Variants in WDR49 observed in about 807,000 individuals in gnomAD.
WDR49 encodes cilia- and flagella-associated protein 337.
WDR49 carries 107 observed loss-of-function variants against 119.5 expected under a neutral mutation model. The ratio of observed to expected loss-of-function variants is 0.90; its 90% CI spans 0.77 to 1.05. The LOEUF (loss-of-function observed/expected upper bound fraction) is 1.05, where lower values mean the gene tolerates loss of function less well. WDR49 is among the 50% of genes least tolerant of loss of function. The pLI, the probability that WDR49 is intolerant of heterozygous loss-of-function variation, is 0.00. For synonymous variants in WDR49, 425 were observed against 418.8 expected (o/e 1.01, Z -0.18); for missense variants, 1,240 against 1,220.5 (o/e 1.02, Z -0.24).
At chr3:167,552,958 G>A (rs1024621155) in intron 10 of WDR49, among the ~76,000 whole-genome samples, 3 of 152,030 alleles carry the variant, frequency 2.0e-5, no homozygotes, top group Non-Finnish European at 2.9e-5. Context: ...TTAGTAAGAC[G>A]ACTGTCAATC....
chr3:167,596,771 G>A (rs1298261202), intron 7 of WDR49, among the ~76,000 whole-genome samples: 1 of 150,754 alleles, frequency 6.6e-6, no homozygotes, highest in Non-Finnish European at 1.5e-5. Context: ...CCTAATGCTA[G>A]ATGATGAGCT....
In WDR49 at chr3:167,602,289, G is replaced by A. The variant is rs1270761334; in HGVS notation, c.1127-14C>T. ...TGCCAGCAGTTGCTAATCAGAATTA[G>A]AAAGAAAAAAAATGTTTTTAATAGC... is the stretch of plus-strand genomic sequence containing the variant. On this transcript the variant is annotated splice_polypyrimidine_tract_variant and intron_variant, in intron 6 of 18. Transcript: ENST00000682715. The A allele has an allele frequency of 3.9e-6, 6 of 1,546,228 alleles. No homozygotes were observed. In the Admixed American group the frequency reaches 5.6e-5, roughly 14 times the overall value.
chr3:167,654,843 G>A (rs899655091), upstream of WDR49, among the ~76,000 whole-genome samples: 5 of 151,572 alleles, frequency 3.3e-5, no homozygotes, highest in Admixed American at 6.6e-5. Context: ...AGGTTGCAGT[G>A]AGCCAAGATT....
rs1198625968 is a variant in WDR49, at chr3:167,604,368, A to C, written c.1059T>G (p.Asn353Lys). The change falls in exon 6 of 19, where the codon AAT (asparagine) becomes AAG (lysine). Residue 353 changes from asparagine (N) to lysine (K), a missense_variant. Transcript: ENST00000682715. ...AWREKSKKRL[N>K]MTSFNIAQGI... ...CCTGGGCAATGTTGAAGGATGTCAT[A>C]TTAAGACGCTTTTTTGATTTCTCTC... is the stretch of plus-strand genomic sequence containing the variant. 1.2e-6 allele frequency: 2 copies of C among 1,613,894 alleles called. No homozygotes were observed. The highest frequency in any genetic ancestry group is 4.5e-5 in the East Asian group (2 of 44,838).
chr3:167,634,979 A>G (rs1290100811), intron 2 of WDR49, among the ~76,000 whole-genome samples: 1 of 151,848 alleles, frequency 6.6e-6, no homozygotes, highest in Non-Finnish European at 1.5e-5. Context: ...CATACCATAA[A>G]GCTATGCCTC....
chr3:167,589,563 C>G (rs1388335259), intron 7 of WDR49, among the ~76,000 whole-genome samples: 1 of 152,086 alleles, frequency 6.6e-6, no homozygotes, highest in Non-Finnish European at 1.5e-5. Context: ...TTCTTCCAGA[C>G]CATGAACATG....
intron 18 of WDR49, among the ~76,000 whole-genome samples, chr3:167,493,322 C>A (rs1001863860): frequency 6.6e-6 from 1 of 152,168 alleles, no homozygotes; most frequent in East Asian, 1.9e-4. Context: ...ACTCCATGAA[C>A]GGTTTTCCAT....
intron 18 of WDR49, among the ~76,000 whole-genome samples, chr3:167,481,040 C>T (rs1331194252): frequency 1.4e-5 from 2 of 147,090 alleles, no homozygotes; most frequent in South Asian, 2.2e-4. Context: ...CAGCCTCTTA[C>T]TCAAGGATTT....
At chr3:167,598,307 A>G (rs1412580228) in intron 7 of WDR49, among the ~76,000 whole-genome samples, 1 of 151,824 alleles carries the variant, frequency 6.6e-6, no homozygotes, top group Non-Finnish European at 1.5e-5. Context: ...TCCATCTCAA[A>G]AAAAAAAAGA....
At chr3:167,524,366 C>A (rs917674660) in intron 15 of WDR49, among the ~76,000 whole-genome samples, 1 of 151,880 alleles carries the variant, frequency 6.6e-6, no homozygotes, top group Non-Finnish European at 1.5e-5. Context: ...GCCTGTTCAC[C>A]CTGATGATAT....
intron 5 of WDR49, among the ~76,000 whole-genome samples, chr3:167,609,349 T>C (rs1387213601): frequency 1.3e-5 from 2 of 151,834 alleles, no homozygotes; most frequent in Non-Finnish European, 2.9e-5. Flanking sequence ...TCTCCACCCC[T>C]ACCAGCAACT....
chr3:167,614,990 G>A (rs1419986791), intron 5 of WDR49, among the ~76,000 whole-genome samples: 1 of 152,202 alleles, frequency 6.6e-6, no homozygotes, highest in Non-Finnish European at 1.5e-5. Flanking sequence ...TATTACATTT[G>A]AATCCATCCT....
At chr3:167,483,878 T>C (rs1750819758) in intron 18 of WDR49, among the ~76,000 whole-genome samples, 1 of 152,196 alleles carries the variant, frequency 6.6e-6, no homozygotes, top group African/African-American at 2.4e-5. Flanking sequence ...TTTGTAAATC[T>C]ATATGTGGCA....
chr3:167,517,708 T>TTTTTC (rs142525684), intron 16 of WDR49, among the ~76,000 whole-genome samples: 33,035 of 146,822 alleles, frequency 0.23, 3,876 homozygotes, highest in South Asian at 0.28. Context: ...CTTTACTTTT[T>TTTTTC]TTTTCTTTTC....
chr3:167,499,376 T>C (rs904407592), intron 18 of WDR49, among the ~76,000 whole-genome samples: 2 of 152,214 alleles, frequency 1.3e-5, no homozygotes, highest in African/African-American at 4.8e-5. Context: ...AGATCTCAGA[T>C]AGCTTCATTT....
At chr3:167,562,007 G>A (rs2108271679) in intron 8 of WDR49, among the ~76,000 whole-genome samples, 1 of 152,050 alleles carries the variant, frequency 6.6e-6, no homozygotes, top group Non-Finnish European at 1.5e-5. Context: ...AATATGGTGG[G>A]ATATCAAATG....
At chr3:167,550,322 A>G (rs1427271815) in intron 10 of WDR49, among the ~76,000 whole-genome samples, 1 of 152,154 alleles carries the variant, frequency 6.6e-6, no homozygotes, top group Non-Finnish European at 1.5e-5. Flanking sequence ...CTTCCTATCC[A>G]TGAGCATGGA....
At chr3:167,576,514 T>C (rs757751017) in intron 7 of WDR49, among the ~76,000 whole-genome samples, 1 of 152,186 alleles carries the variant, frequency 6.6e-6, no homozygotes, top group African/African-American at 2.4e-5. Flanking sequence ...TCTGCAGATA[T>C]GACTAAATTA....
At chr3:167,510,009 A>G (rs1310523002) in intron 16 of WDR49, among the ~76,000 whole-genome samples, 1 of 152,252 alleles carries the variant, frequency 6.6e-6, no homozygotes, top group Non-Finnish European at 1.5e-5. Context: ...TAAAAGTGAA[A>G]TGCCTAATGT....
Sources: allele counts gnomAD v4.1 joint callset (sites outside exome capture counted in the v4.1 genomes callset), GRCh38; gene constraint gnomAD v4.1.1; transcripts MANE v1.5; gene names NCBI Gene and HGNC (gene_info 2026-07-23, HGNC 2026-07-21).